The following SND1 variants were observed in gnomAD, a reference collection of about 807,000 sequenced individuals.
SND1 encodes the protein staphylococcal nuclease domain-containing protein 1.
SND1 carries 38 observed loss-of-function variants against 121.7 expected under a neutral mutation model. The observed-to-expected ratio is 0.31, with a 90% confidence interval of 0.24 to 0.41. The LOEUF is 0.41. Among genes scored for constraint, SND1 ranks in the 10% least tolerant of loss-of-function variants. SND1 has a pLI of 1.00. For synonymous variants in SND1, 401 were observed against 447.4 expected (o/e 0.90, Z 1.31); for missense variants, 868 against 1,184.6 (o/e 0.73, Z 3.92).
At chr7:127,858,220 G>A in intron 12 of SND1, 1 of 782,220 alleles carries the variant, frequency 1.3e-6, no homozygotes, top group Admixed American at 1.8e-5. Context: ...TCGTTTCCTG[G>A]TACATGCCAA....
chr7:127,973,075 C>G (rs1466361706), intron 15 of SND1, among the ~76,000 whole-genome samples: 2 of 152,204 alleles, frequency 1.3e-5, no homozygotes, highest in African/African-American at 4.8e-5. Context: ...GGTGTGCAGC[C>G]TGCCTAGGCC....
At chr7:127,762,133 A>C (rs1211810394) in intron 10 of SND1, among the ~76,000 whole-genome samples, 2 of 152,180 alleles carry the variant, frequency 1.3e-5, no homozygotes, top group East Asian at 3.8e-4. Flanking sequence ...GCTTGATTTT[A>C]TATCTGTAAA....
chr7:127,882,222 G>A (rs1799804796), intron 12 of SND1, among the ~76,000 whole-genome samples: 1 of 151,724 alleles, frequency 6.6e-6, no homozygotes, highest in Admixed American at 6.6e-5. Context: ...CCACTGCACT[G>A]TAGCCTGGGT....
Position 127,652,407 on chromosome 7 carries a change from G to T in SND1, c.34G>T (p.Gly12Trp), listed in dbSNP as rs767795647. The change falls in exon 1 of 24, where the codon GGG (glycine) becomes TGG (tryptophan). Residue 12 changes from glycine to tryptophan, a missense_variant. This residue lies in a region of SND1 where 125 missense variants were observed against 113.3 expected (regional missense o/e 1.10). Transcript: ENST00000354725. The part of the protein sequence containing the change: ...ASSAQSGGSS[G>W]GPAVPTVQRG... ...CTCCGCGCAGAGCGGCGGCTCCTCC[G>T]GGGGACCCGCGGTCCCCACCGTGCA... 2.8e-5 allele frequency: 45 copies of T among 1,595,744 alleles called. No homozygotes were observed. The highest frequency in any genetic ancestry group is 4.3e-6 in the Non-Finnish European group (5 of 1,171,988).
chr7:127,970,351 G>A (rs955381046), intron 15 of SND1, among the ~76,000 whole-genome samples: 7 of 152,182 alleles, frequency 4.6e-5, no homozygotes, highest in African/African-American at 7.2e-5. Flanking sequence ...GTGACCTTGT[G>A]TAAGTCATTG....
At chr7:127,889,372 A>G (rs1490199922) in intron 13 of SND1, among the ~76,000 whole-genome samples, 1 of 150,186 alleles carries the variant, frequency 6.7e-6, no homozygotes, top group East Asian at 2.0e-4. Context: ...TAATTTTTTT[A>G]ATTTTACTTT....
At chr7:127,704,744 T>A (rs1181091902) in intron 7 of SND1, 95 bp from the exon 8 acceptor site, 1 of 1,019,254 alleles carries the variant, frequency 9.8e-7, no homozygotes, top group Non-Finnish European at 1.5e-6. Flanking sequence ...CAGACTAGTT[T>A]GTGACTGTGT....
At chr7:128,034,164 C>CT (rs1328459651) in intron 16 of SND1, among the ~76,000 whole-genome samples, 1 of 152,100 alleles carries the variant, frequency 6.6e-6, no homozygotes, top group African/African-American at 2.4e-5. Flanking sequence ...TGTGTCTACT[C>CT]TTCATAGAGT....
At chr7:127,858,150 A>C in intron 12 of SND1, 1 of 836,124 alleles carries the variant, frequency 1.2e-6, no homozygotes, top group Non-Finnish European at 2.1e-6. Context: ...GGGGTGTGGG[A>C]TTGTGGGGTC....
chr7:128,082,734 C>T (rs1302767925), intron 18 of SND1, among the ~76,000 whole-genome samples: 1 of 152,074 alleles, frequency 6.6e-6, no homozygotes, highest in South Asian at 2.1e-4. Flanking sequence ...AAGAGCCGTT[C>T]CTGGGCAGAG....
intron 2 of SND1, among the ~76,000 whole-genome samples, chr7:127,687,885 G>A (rs1312228286): frequency 6.6e-6 from 1 of 151,856 alleles, no homozygotes; most frequent in African/African-American, 2.4e-5. Context: ...TAGAAAGGAG[G>A]TCTCGCTAGT....
intron 16 of SND1, among the ~76,000 whole-genome samples, chr7:128,023,745 A>G (rs1803410602): frequency 6.6e-6 from 1 of 152,020 alleles, no homozygotes; most frequent in African/African-American, 2.4e-5. Context: ...GTTCAAGAAT[A>G]GGGGTGGTGA....
At chr7:128,076,754 T>G (rs1398588378) in intron 17 of SND1, among the ~76,000 whole-genome samples, 1 of 152,216 alleles carries the variant, frequency 6.6e-6, no homozygotes, top group Non-Finnish European at 1.5e-5. Flanking sequence ...TGCTGAGGGA[T>G]TCTGTGAGAC....
intron 16 of SND1, among the ~76,000 whole-genome samples, chr7:127,997,146 T>G (rs1485211590): frequency 6.6e-6 from 1 of 152,256 alleles, no homozygotes; most frequent in East Asian, 1.9e-4. Flanking sequence ...GTAACTTGCC[T>G]CTGTTCACAG....
At position 127,994,549 on chromosome 7, in the gene SND1, CAAAAAAAAAAAAAA is replaced by C. The variant is rs563548702; in HGVS notation, c.1779+3516_1779+3529del. Among the ~76,000 whole-genome samples, 410 of 46,240 alleles carry C rather than the reference CAAAAAAAAAAAAAA, an allele frequency of 8.9e-3. 5 individuals carry two copies. Among genetic ancestry groups the C allele is most frequent in the African/African-American group, 0.012 (122 of 9,964 alleles). 30.3% of individuals were successfully genotyped at this position (46,240 alleles called of 152,430 possible). On this transcript the variant is annotated intron_variant, in intron 16 of 23. Coordinates refer to ENST00000354725, the MANE Select transcript of SND1 (RefSeq NM_014390.4). ...CTCTCAAATGACGATCACTTTTACT[CAAAAAAAAAAAAAA>C]AAAAAAAAAAAAAAAAAAAAAACAG... is the stretch of plus-strand genomic sequence containing the variant.
Position 128,074,227 on chromosome 7 carries a change from T to G in SND1, c.1780-275T>G, listed in dbSNP as rs184398350. On this transcript the variant is annotated intron_variant, in intron 16 of 23. Coordinates refer to ENST00000354725, the MANE Select transcript of SND1 (RefSeq NM_014390.4). ...ACTTGCTCCTGACCTTCAGCTGCGCTCTCTCTCTCTCTCTCAGGTTAAGGA... is the reference window on the plus strand; with the variant it reads ...ACTTGCTCCTGACCTTCAGCTGCGCGCTCTCTCTCTCTCTCAGGTTAAGGA... Among the ~76,000 whole-genome samples, 1,474 of 150,178 alleles carry G rather than the reference T, an allele frequency of 9.8e-3. 21 individuals carry two copies. Among genetic ancestry groups the G allele is most frequent in the African/African-American group, 0.031 (1,284 of 41,182 alleles).
intron 11 of SND1, among the ~76,000 whole-genome samples, chr7:127,819,302 A>G (rs752951777): frequency 6.6e-6 from 1 of 152,200 alleles, no homozygotes; most frequent in East Asian, 1.9e-4. Flanking sequence ...ATGCAGTTGA[A>G]GATTGTGTAT....
At chr7:127,934,233 G>A (rs1034962328) in intron 15 of SND1, among the ~76,000 whole-genome samples, 2 of 152,192 alleles carry the variant, frequency 1.3e-5, no homozygotes, top group African/African-American at 2.4e-5. Context: ...GTGCAGAGTT[G>A]TAGAGGTATG....
intron 10 of SND1, among the ~76,000 whole-genome samples, chr7:127,788,528 A>G (rs941283202): frequency 2.0e-5 from 3 of 152,154 alleles, no homozygotes; most frequent in African/African-American, 7.2e-5. Context: ...TCTTGACCCA[A>G]TACCCTCCTT....
Sources: allele counts gnomAD v4.1 joint callset (sites outside exome capture counted in the v4.1 genomes callset), GRCh38; gene constraint gnomAD v4.1.1; regional missense constraint gnomAD v4.1.1; transcripts MANE v1.5; gene names NCBI Gene and HGNC (gene_info 2026-07-23, HGNC 2026-07-21).